The following C8orf34 variants were observed in gnomAD, a reference collection of about 807,000 sequenced individuals.
The protein encoded by C8orf34 is uncharacterized protein C8orf34.
C8orf34 carries 65 observed loss-of-function variants against 68.3 expected under a neutral mutation model. That is an observed-to-expected ratio of 0.95 (90% CI 0.78 to 1.17). The LOEUF is 1.17. C8orf34 is among the 50% of genes most tolerant of loss of function. C8orf34 has a pLI of 0.00. For missense variants in C8orf34, 664 were observed against 655.4 expected, an observed-to-expected ratio of 1.01 and a Z score of -0.14; for synonymous variants, 244 against 241.2, an observed-to-expected ratio of 1.01 and a Z score of -0.11.
chr8:68,741,078 C>T (rs1822276811), intron 10 of C8orf34, among the ~76,000 whole-genome samples: 1 of 151,826 alleles, frequency 6.6e-6, no homozygotes, highest in South Asian at 2.1e-4. Context: ...TGGGACCTAT[C>T]AGAGGGTGAA....
chr8:68,804,026 TA>T (rs897607526), intron 12 of C8orf34, among the ~76,000 whole-genome samples: 2 of 151,982 alleles, frequency 1.3e-5, no homozygotes, highest in Admixed American at 6.6e-5. Context: ...TGACAATTTT[TA>T]AAAAAAAATC....
chr8:68,351,257 T>G (rs1224468723), intron 1 of C8orf34, among the ~76,000 whole-genome samples: 1 of 152,062 alleles, frequency 6.6e-6, no homozygotes, highest in Non-Finnish European at 1.5e-5. Context: ...GGTTGAATAA[T>G]TTTTTCTTTA....
chr8:68,771,558 T>A (rs535899947), intron 10 of C8orf34, among the ~76,000 whole-genome samples: 2 of 152,336 alleles, frequency 1.3e-5, no homozygotes, highest in East Asian at 3.9e-4. Context: ...CTCTGTTGTG[T>A]CTGGGCCCTT....
At chr8:68,508,550 G>GGGGTTT (rs1274726516) in intron 5 of C8orf34, among the ~76,000 whole-genome samples, 1 of 152,120 alleles carries the variant, frequency 6.6e-6, no homozygotes, top group Non-Finnish European at 1.5e-5. Flanking sequence ...CTACTTTCCT[G>GGGGTTT]GGGTTTGGCT....
intron 8 of C8orf34, among the ~76,000 whole-genome samples, chr8:68,670,171 A>G (rs956808524): frequency 2.6e-5 from 4 of 152,146 alleles, no homozygotes; most frequent in African/African-American, 9.7e-5. Flanking sequence ...GATATCCCAA[A>G]TTTTGGCATT....
intron 8 of C8orf34, among the ~76,000 whole-genome samples, chr8:68,679,245 C>CCACTG: frequency 6.6e-6 from 1 of 152,128 alleles, no homozygotes; most frequent in East Asian, 1.9e-4. Flanking sequence ...CAAGATCCCA[C>CCACTG]CACTGCACTC....
chr8:68,768,664 G>A (rs2129528284), intron 10 of C8orf34, among the ~76,000 whole-genome samples: 1 of 152,160 alleles, frequency 6.6e-6, no homozygotes, highest in East Asian at 1.9e-4. Flanking sequence ...TCTAACAATA[G>A]GGATACTGAA....
intron 3 of C8orf34, among the ~76,000 whole-genome samples, chr8:68,455,741 A>T (rs1471149711): frequency 6.6e-6 from 1 of 152,078 alleles, no homozygotes; most frequent in Non-Finnish European, 1.5e-5. Flanking sequence ...TCTATTTCTT[A>T]TTGTAAATAT....
chr8:68,465,176 T>G (rs1258944487), intron 3 of C8orf34, among the ~76,000 whole-genome samples: 2 of 152,104 alleles, frequency 1.3e-5, no homozygotes, highest in Non-Finnish European at 2.9e-5. Flanking sequence ...AAGACAATTA[T>G]GCAGCCAAAA....
At chr8:68,576,707 T>C (rs907939643) in intron 7 of C8orf34, among the ~76,000 whole-genome samples, 4 of 152,074 alleles carry the variant, frequency 2.6e-5, no homozygotes, top group Admixed American at 6.6e-5. Flanking sequence ...ATTCTTCTAA[T>C]TGATTTTTAA....
intron 8 of C8orf34, among the ~76,000 whole-genome samples, chr8:68,696,138 C>G (rs537480849): frequency 1.3e-5 from 2 of 150,856 alleles, no homozygotes; most frequent in South Asian, 4.2e-4. Flanking sequence ...TATACTTGAG[C>G]CTGTGTGACA....
intron 1 of C8orf34, among the ~76,000 whole-genome samples, chr8:68,415,549 C>T (rs1809630244): frequency 6.6e-6 from 1 of 152,112 alleles, no homozygotes; most frequent in Non-Finnish European, 1.5e-5. Context: ...AGATTGCATG[C>T]AGTAGTTTCT....
intron 1 of C8orf34, among the ~76,000 whole-genome samples, chr8:68,417,483 G>A (rs1254165203): frequency 6.6e-6 from 1 of 151,978 alleles, no homozygotes; most frequent in African/African-American, 2.4e-5. Context: ...TGTATGTCCT[G>A]ATATAAAAAT....
intron 5 of C8orf34, among the ~76,000 whole-genome samples, chr8:68,510,518 G>A (rs904945627): frequency 1.4e-4 from 22 of 152,254 alleles, no homozygotes; most frequent in African/African-American, 5.3e-4. Flanking sequence ...GGAACAAGCA[G>A]GGTTAGTCTA....
At chr8:68,404,501 G>C (rs1283146937) in intron 1 of C8orf34, among the ~76,000 whole-genome samples, 1 of 152,064 alleles carries the variant, frequency 6.6e-6, no homozygotes, top group African/African-American at 2.4e-5. Flanking sequence ...GGTTTTTATG[G>C]TTTTAGGTCT....
chr8:68,800,281 A>C (rs1287333517), intron 12 of C8orf34, among the ~76,000 whole-genome samples: 2 of 152,174 alleles, frequency 1.3e-5, no homozygotes, highest in African/African-American at 4.8e-5. Context: ...ACTGGGTTCT[A>C]AACTACCTCT....
intron 7 of C8orf34, among the ~76,000 whole-genome samples, chr8:68,587,499 A>T (rs954529116): frequency 6.6e-6 from 1 of 152,100 alleles, no homozygotes; most frequent in African/African-American, 2.4e-5. Flanking sequence ...ATTTTGCCAA[A>T]ATTTGAATGA....
chr8:68,540,171 A>C (rs1815646426), intron 7 of C8orf34, among the ~76,000 whole-genome samples: 1 of 151,940 alleles, frequency 6.6e-6, no homozygotes, highest in African/African-American at 2.4e-5. Context: ...TAAATAGAGG[A>C]GCACTAAAGA....
chr8:68,367,929 A>AAAAAAAAAAAAAAAAAAAAAC (rs1807376655), intron 1 of C8orf34, among the ~76,000 whole-genome samples: 1 of 148,774 alleles, frequency 6.7e-6, no homozygotes, highest in Non-Finnish European at 1.5e-5. Context: ...AAAAAAAAAA[A>AAAAAAAAAAAAAAAAAAAAAC]AAAAAAAAGA....
Sources: allele counts gnomAD v4.1 joint callset (sites outside exome capture counted in the v4.1 genomes callset), GRCh38; gene constraint gnomAD v4.1.1; transcripts MANE v1.5; gene names NCBI Gene and HGNC (gene_info 2026-07-23, HGNC 2026-07-21).